UBE2H: variants seen among roughly 807,000 people sequenced by gnomAD.
The protein encoded by UBE2H is ubiquitin conjugating enzyme E2 H, also known as ubiquitin-conjugating enzyme E2 H.
In UBE2H, 3 loss-of-function variants were observed where a neutral mutation model predicts 29.0. The observed-to-expected ratio is 0.10, with a 90% CI of 0.05 to 0.27. The LOEUF (loss-of-function observed/expected upper bound fraction) is 0.27. UBE2H is among the 10% of genes least tolerant of loss of function. The probability of loss-of-function intolerance (pLI) is 1.00; values close to 1 mark genes in which losing one functional copy is unlikely to be tolerated. For missense variants in UBE2H, 68 were observed against 228.2 expected (o/e 0.30, Z 4.52); for synonymous variants, 69 against 82.9 (o/e 0.83, Z 0.91).
chr7:129,846,646 C>T lies in UBE2H; in HGVS notation c.299-7311G>A, dbSNP rs1805517131. 1.3e-5 allele frequency among the ~76,000 whole-genome samples: 2 copies of T among 152,110 alleles called. 1 individual carries two copies. Among genetic ancestry groups the T allele is most frequent in the South Asian group, 4.1e-4 (2 of 4,828 alleles). ...GATACCCAAACCTTGACATGCTCTG[C>T]CTCACTGGGAACCACAATTAGCACA... On this transcript the variant is annotated intron_variant, in intron 5 of 6. Transcript: ENST00000355621.
rs556307436 is a variant in UBE2H at position 129,876,084 on chromosome 7, G to A, written c.205+3484C>T. On this transcript the variant is annotated intron_variant, in intron 3 of 6. Transcript: ENST00000355621. ...AATGGAACCATGCCATTAAGTACACGTAGTATTTTATTTACATTCTTCTTC... is the reference window on the plus strand; with the variant it reads ...AATGGAACCATGCCATTAAGTACACATAGTATTTTATTTACATTCTTCTTC... Among the ~76,000 whole-genome samples, 34 of 152,254 alleles carry A rather than the reference G, an allele frequency of 2.2e-4. No individual in the cohort carries two copies. In the South Asian group the frequency reaches 5.4e-3, roughly 24 times the overall value.
intron 6 of UBE2H, among the ~76,000 whole-genome samples, chr7:129,836,374 G>A (rs1031608483): frequency 2.0e-5 from 3 of 152,134 alleles, no homozygotes; most frequent in African/African-American, 7.2e-5. Context: ...GAAAGGAAGA[G>A]CAAGGTCACC....
intron 1 of UBE2H, among the ~76,000 whole-genome samples, chr7:129,907,753 A>G (rs983520974): frequency 2.2e-4 from 33 of 152,208 alleles, no homozygotes; most frequent in Admixed American, 2.0e-3. Context: ...TACACTTAAA[A>G]TTGCTGAATT....
chr7:129,949,064 T>C (rs1275647682), intron 1 of UBE2H: 1 of 456,384 alleles, frequency 2.2e-6, no homozygotes, highest in Non-Finnish European at 4.4e-6. Context: ...CTGCATACGC[T>C]TTTCCAAAAC....
intron 5 of UBE2H, among the ~76,000 whole-genome samples, chr7:129,847,028 A>ATT (rs535287651): frequency 7.3e-5 from 11 of 150,420 alleles, no homozygotes; most frequent in Non-Finnish European, 7.4e-5. Flanking sequence ...TATTATTATT[A>ATT]TTATTTTTTG....
intron 2 of UBE2H, 157 bp downstream of exon 2, chr7:129,880,738 A>C: frequency 3.1e-6 from 2 of 636,292 alleles, no homozygotes; most frequent in South Asian, 4.1e-5. Flanking sequence ...CTGTATATAA[A>C]GTGATTGTGA....
chr7:129,877,780 T>C (rs183721462), intron 3 of UBE2H, among the ~76,000 whole-genome samples: 46 of 150,224 alleles, frequency 3.1e-4, no homozygotes, highest in African/African-American at 1.0e-3. Context: ...CATTATTACC[T>C]AGAAAGTTAT....
chr7:129,857,797 G>A (rs1169660309), intron 4 of UBE2H, among the ~76,000 whole-genome samples: 1 of 152,166 alleles, frequency 6.6e-6, no homozygotes, highest in African/African-American at 2.4e-5. Context: ...GACAACACCT[G>A]AACCAGGTGC....
At chr7:129,881,824 T>C (rs1806260299) in intron 1 of UBE2H, among the ~76,000 whole-genome samples, 1 of 152,182 alleles carries the variant, frequency 6.6e-6, no homozygotes, top group Non-Finnish European at 1.5e-5. Context: ...GGAAATGCTA[T>C]GCTCCTAAAA....
intron 1 of UBE2H, among the ~76,000 whole-genome samples, chr7:129,951,119 T>A (rs1462513965): frequency 6.6e-6 from 1 of 152,180 alleles, no homozygotes; most frequent in East Asian, 1.9e-4. Context: ...ACAACTTCCC[T>A]CCCATCCCCC....
At chr7:129,928,003 T>C (rs1233872307) in intron 1 of UBE2H, among the ~76,000 whole-genome samples, 2 of 139,384 alleles carry the variant, frequency 1.4e-5, no homozygotes, top group African/African-American at 5.4e-5. Context: ...CTGGGCAACA[T>C]GGCGAAATAC....
At chr7:129,919,903 T>A (rs1807122508) in intron 1 of UBE2H, among the ~76,000 whole-genome samples, 1 of 152,192 alleles carries the variant, frequency 6.6e-6, no homozygotes, top group African/African-American at 2.4e-5. Context: ...GAAAGCTGGA[T>A]AAATGATGGT....
intron 1 of UBE2H, among the ~76,000 whole-genome samples, chr7:129,919,604 C>A (rs1042363552): frequency 1.3e-5 from 2 of 152,180 alleles, no homozygotes; most frequent in African/African-American, 4.8e-5. Flanking sequence ...ACTCATCTTT[C>A]AAGACCAAGG....
Position 129,870,629 on chromosome 7 carries a change from G to A in UBE2H, c.205+8939C>T, listed in dbSNP as rs577676925. 7.9e-5 allele frequency among the ~76,000 whole-genome samples: 12 copies of A among 152,226 alleles called. No individual in the cohort carries two copies. In the South Asian group the frequency reaches 2.3e-3, roughly 29 times the overall value. On this transcript the variant is annotated intron_variant, in intron 3 of 6. Transcript: ENST00000355621. ...AAAGTTTCTTGACCTTGGCAGCCTT[G>A]TCCAAGCCACCAGCATCTCCGGCTA...
chr7:129,896,393 G>A (rs1011716127), intron 1 of UBE2H, among the ~76,000 whole-genome samples: 1 of 151,522 alleles, frequency 6.6e-6, no homozygotes, highest in Admixed American at 6.6e-5. Flanking sequence ...TATTTTCATT[G>A]TATTTATTTA....
intron 1 of UBE2H, among the ~76,000 whole-genome samples, chr7:129,926,216 ACTC>A (rs1250467807): frequency 3.3e-5 from 5 of 151,660 alleles, no homozygotes; most frequent in Non-Finnish European, 5.9e-5. Flanking sequence ...CTGGTCTGAA[ACTC>A]CTGGCCTCGG....
At chr7:129,889,380 G>A (rs1474667935) in intron 1 of UBE2H, among the ~76,000 whole-genome samples, 2 of 152,232 alleles carry the variant, frequency 1.3e-5, no homozygotes, top group East Asian at 1.9e-4. Flanking sequence ...GGCAGAGCCA[G>A]TAGAAAGCTC....
intron 1 of UBE2H, among the ~76,000 whole-genome samples, chr7:129,925,929 T>C (rs771181488): frequency 2.6e-5 from 4 of 152,202 alleles, no homozygotes; most frequent in Non-Finnish European, 5.9e-5. Flanking sequence ...TCCAGAACTG[T>C]TACTACCAGC....
chr7:129,865,096 T>C (rs978616018), intron 3 of UBE2H: 20 of 432,322 alleles, frequency 4.6e-5, no homozygotes, highest in Admixed American at 3.5e-4. Context: ...ACACTTAATG[T>C]AAAACTATTA....
Sources: allele counts gnomAD v4.1 joint callset (sites outside exome capture counted in the v4.1 genomes callset), GRCh38; gene constraint gnomAD v4.1.1; transcripts MANE v1.5; gene names NCBI Gene and HGNC (gene_info 2026-07-23, HGNC 2026-07-21).